DIP2C: variants seen among roughly 807,000 people sequenced by gnomAD.
The protein encoded by DIP2C is DIP2 acetate--CoA ligase C (putative).
In DIP2C, 33 loss-of-function variants were observed where a neutral mutation model predicts 192.4. The observed-to-expected ratio is 0.17, with a 90% CI of 0.13 to 0.23. The LOEUF (loss-of-function observed/expected upper bound fraction) is 0.23, where lower values mean the gene tolerates loss of function less well. Among genes scored for constraint, DIP2C ranks in the 10% least tolerant of loss-of-function variants. DIP2C has a pLI of 1.00. For synonymous variants in DIP2C, 979 were observed against 864.1 expected (o/e 1.13, Z -2.33); for missense variants, 1,537 against 2,110.1 (o/e 0.73, Z 5.32).
chr10:527,864 G>T (rs567810860), intron 1 of DIP2C, among the ~76,000 whole-genome samples: 1 of 152,156 alleles, frequency 6.6e-6, no homozygotes, highest in Non-Finnish European at 1.5e-5. Context: ...GGCCAGCTGC[G>T]GTGAGTGCAG....
intron 35 of DIP2C, chr10:281,974 C>T (rs1954856713): frequency 6.6e-6 from 1 of 152,134 alleles, no homozygotes; most frequent in African/African-American, 2.4e-5. Context: ...AGGTAGTAAG[C>T]ATATTAGGGA....
At chr10:655,335 G>A (rs1234599269) in intron 1 of DIP2C, among the ~76,000 whole-genome samples, 11 of 152,196 alleles carry the variant, frequency 7.2e-5, no homozygotes, top group Admixed American at 6.5e-4. Context: ...ACAAGAACCC[G>A]GACCCAGCTG....
intron 1 of DIP2C, among the ~76,000 whole-genome samples, chr10:672,666 G>C (rs1434033946): frequency 6.6e-6 from 1 of 152,236 alleles, no homozygotes; most frequent in Non-Finnish European, 1.5e-5. Context: ...TGATGGCGAA[G>C]CTTCAAGAGT....
intron 1 of DIP2C, among the ~76,000 whole-genome samples, chr10:558,918 A>C (rs1202890100): frequency 6.6e-6 from 1 of 151,782 alleles, no homozygotes; most frequent in Non-Finnish European, 1.5e-5. Context: ...GACACCACGG[A>C]CCACCCGACC....
At chr10:577,565 G>A (rs1850247984) in intron 1 of DIP2C, among the ~76,000 whole-genome samples, 1 of 152,296 alleles carries the variant, frequency 6.6e-6, no homozygotes, top group African/African-American at 2.4e-5. Context: ...TGAGAACTCT[G>A]AATGCTCAGA....
intron 3 of DIP2C, among the ~76,000 whole-genome samples, chr10:448,591 C>A (rs1172717336): frequency 5.2e-5 from 7 of 133,540 alleles, no homozygotes; most frequent in African/African-American, 8.5e-5. Context: ...GGATCACACA[C>A]AGTGGGGCAA....
intron 1 of DIP2C, among the ~76,000 whole-genome samples, chr10:556,687 T>G (rs926198481): frequency 2.0e-5 from 3 of 151,924 alleles, no homozygotes; most frequent in African/African-American, 7.3e-5. Flanking sequence ...ACACTTCCAT[T>G]TCAGGATATT....
At chr10:596,484 G>T (rs115100920) in intron 1 of DIP2C, among the ~76,000 whole-genome samples, 1 of 95,000 alleles carries the variant, frequency 1.1e-5, no homozygotes, top group Admixed American at 1.7e-4. Flanking sequence ...CGACCAGTGC[G>T]AAACTCCATC....
chr10:689,044 A>C lies in DIP2C; in HGVS notation c.85+450T>G, dbSNP rs1395822338. On this transcript the variant is annotated intron_variant, in intron 1 of 36. Coordinates refer to ENST00000280886, the MANE Select transcript of DIP2C (RefSeq NM_014974.3). The surrounding 1 kb of genome is among the most constrained non-coding windows in gnomAD (Gnocchi z 6.1). ...GAGGTGGCGCGCACCGCGCTGCTGC[A>C]CCAAGGACGCCGCGGCTCCAGCGCA... Among the ~76,000 whole-genome samples, 2 of 151,994 alleles carry C rather than the reference A, an allele frequency of 1.3e-5. No individual in the cohort carries two copies. The highest frequency in any genetic ancestry group is 6.5e-5 in the Admixed American group (1 of 15,276).
intron 8 of DIP2C, among the ~76,000 whole-genome samples, chr10:410,049 T>G (rs1023858054): frequency 6.6e-6 from 1 of 152,236 alleles, no homozygotes; most frequent in African/African-American, 2.4e-5. Context: ...TTCCCTCTTT[T>G]AAATCCAAAC....
chr10:497,126 AAATC>A (rs536485146), intron 1 of DIP2C, among the ~76,000 whole-genome samples: 64 of 151,864 alleles, frequency 4.2e-4, no homozygotes, highest in African/African-American at 7.7e-4. Flanking sequence ...CTCCACCTCG[AAATC>A]AATCAATCAA....
At chr10:656,365 G>A (rs962691960) in intron 1 of DIP2C, among the ~76,000 whole-genome samples, 12 of 152,096 alleles carry the variant, frequency 7.9e-5, no homozygotes, top group African/African-American at 1.9e-4. Context: ...GCACTACTCT[G>A]TATAATTCTA....
intron 17 of DIP2C, among the ~76,000 whole-genome samples, chr10:378,022 C>G (rs1478550516): frequency 6.6e-6 from 1 of 152,158 alleles, no homozygotes; most frequent in Non-Finnish European, 1.5e-5. Context: ...GTAACAGAGT[C>G]AGATGGCAGG....
chr10:503,999 A>C (rs1845421288), intron 1 of DIP2C, among the ~76,000 whole-genome samples: 1 of 152,242 alleles, frequency 6.6e-6, no homozygotes, highest in Non-Finnish European at 1.5e-5. Context: ...ACTTAAAGTC[A>C]ACTGCTTTCA....
At chr10:525,064 T>C (rs1846972516) in intron 1 of DIP2C, among the ~76,000 whole-genome samples, 1 of 151,768 alleles carries the variant, frequency 6.6e-6, no homozygotes, top group African/African-American at 2.4e-5. Context: ...AATTATCTCA[T>C]GTATTTGTAG....
At chr10:582,477 G>A (rs1440912236) in intron 1 of DIP2C, among the ~76,000 whole-genome samples, 1 of 152,216 alleles carries the variant, frequency 6.6e-6, no homozygotes, top group Non-Finnish European at 1.5e-5. Flanking sequence ...CAGCTACTTG[G>A]GGGACTGAGG....
chr10:411,383 G>A (rs747101394), intron 8 of DIP2C, among the ~76,000 whole-genome samples: 1 of 152,156 alleles, frequency 6.6e-6, no homozygotes, highest in African/African-American at 2.4e-5. Context: ...GAAATGCCAC[G>A]GGTAGTCTAA....
intron 1 of DIP2C, among the ~76,000 whole-genome samples, chr10:568,765 C>CAAAAGA (rs1849594315): frequency 2.6e-5 from 1 of 37,862 alleles, no homozygotes; most frequent in Non-Finnish European, 4.7e-5. Context: ...AACTCCGTCT[C>CAAAAGA]AAAAAAAAAA....
chr10:635,887 G>A (rs75584738), intron 1 of DIP2C, among the ~76,000 whole-genome samples: 7,797 of 152,242 alleles, frequency 0.051, 612 homozygotes, highest in African/African-American at 0.17. Flanking sequence ...GAGGCTCAAC[G>A]GGGTCCTCGG....
Sources: allele counts gnomAD v4.1 joint callset (sites outside exome capture counted in the v4.1 genomes callset), GRCh38; gene constraint gnomAD v4.1.1; non-coding constraint Gnocchi (gnomAD v3.1); transcripts MANE v1.5; gene names NCBI Gene and HGNC (gene_info 2026-07-23, HGNC 2026-07-21).